Variants in TANC2 observed in about 807,000 individuals in gnomAD.
TANC2 encodes tetratricopeptide repeat, ankyrin repeat and coiled-coil containing 2, also known as protein TANC2.
In TANC2, 26 loss-of-function variants were observed where a neutral mutation model predicts 210.5. The ratio of observed to expected loss-of-function variants is 0.12; its 90% CI spans 0.09 to 0.17. The LOEUF is 0.17. Among genes scored for constraint, TANC2 ranks in the 10% least tolerant of loss-of-function variants. The pLI is 1.00. For synonymous variants in TANC2, 931 were observed against 967.1 expected (o/e 0.96, Z 0.69); for missense variants, 2,129 against 2,608.9 (o/e 0.82, Z 4.01).
chr17:63,184,736 C>G (rs771777649), intron 5 of TANC2, among the ~76,000 whole-genome samples: 5 of 151,772 alleles, frequency 3.3e-5, no homozygotes, highest in Admixed American at 6.6e-5. Context: ...TCACTGCAAC[C>G]TCCGCCTCCC....
At chr17:63,015,751 A>T (rs1314895901) in intron 2 of TANC2, among the ~76,000 whole-genome samples, 1 of 152,102 alleles carries the variant, frequency 6.6e-6, no homozygotes, top group African/African-American at 2.4e-5. Flanking sequence ...CTTAAAAAAA[A>T]ACCGCTGTGT....
intron 11 of TANC2, chr17:63,332,302 T>C: frequency 3.0e-6 from 1 of 333,042 alleles, no homozygotes; most frequent in Non-Finnish European, 5.9e-6. Flanking sequence ...CTTCTCCCCT[T>C]CCCCTGCTAT....
intron 5 of TANC2, among the ~76,000 whole-genome samples, chr17:63,184,975 GT>G (rs796115856): frequency 1.5e-3 from 207 of 141,732 alleles, no homozygotes; most frequent in African/African-American, 4.1e-3. Context: ...CAGTAATACG[GT>G]TTTTTTTTTT....
At chr17:63,246,628 G>A (rs551109523) in intron 8 of TANC2, among the ~76,000 whole-genome samples, 24 of 152,146 alleles carry the variant, frequency 1.6e-4, no homozygotes, top group Middle Eastern at 3.4e-3. Context: ...GGTTTATGAC[G>A]TATATATATC....
At position 63,340,228 on chromosome 17, in the gene TANC2, G is replaced by A. The variant is rs780211899; in HGVS notation, c.1703G>A (p.Arg568Gln). Residue 568 changes from arginine (R) to glutamine (Q), a missense_variant, in exon 12 of 28, where the codon CGG becomes CAG. Arg to Gln is a conservative substitution (Grantham distance 43). Transcript: ENST00000689528. ...ACAGCCTATCGGGAGCAGCTTCTTCGGGAACCTCACCTGCAGAGCATGCTG... is the reference window on the plus strand; with the variant it reads ...ACAGCCTATCGGGAGCAGCTTCTTCAGGAACCTCACCTGCAGAGCATGCTG... The A allele has an allele frequency of 1.2e-5, 19 of 1,613,658 alleles. No individual in the cohort carries two copies. In the East Asian group the frequency reaches 1.3e-4, roughly 11 times the overall value.
At chr17:63,039,016 A>C (rs377535477) in intron 2 of TANC2, among the ~76,000 whole-genome samples, 29 of 152,214 alleles carry the variant, frequency 1.9e-4, no homozygotes, top group African/African-American at 7.0e-4. Flanking sequence ...ATTTATTTAG[A>C]TTCACTTTGC....
In TANC2 at chr17:63,231,591, A is replaced by T. The variant is rs115141602; in HGVS notation, c.770-6223A>T. ...TAAGAATGTTGAATATTGGTCCCGA[A>T]TCTCTTTTGGTTTGTAGGATTTCTG... On this transcript the variant is annotated intron_variant, in intron 7 of 27. Transcript: ENST00000689528. Among the ~76,000 whole-genome samples, 838 of 152,222 alleles carry T rather than the reference A, an allele frequency of 5.5e-3. 7 individuals carry two copies. The highest frequency in any genetic ancestry group is 0.018 in the African/African-American group (747 of 41,518).
chr17:63,411,185 A>G (rs2048692085), intron 21 of TANC2, among the ~76,000 whole-genome samples: 2 of 152,210 alleles, frequency 1.3e-5, no homozygotes, highest in South Asian at 4.1e-4. Context: ...GATTGACGGG[A>G]GATCCGAGAG....
intron 9 of TANC2, among the ~76,000 whole-genome samples, chr17:63,296,137 A>C (rs1452486463): frequency 6.6e-6 from 1 of 152,206 alleles, no homozygotes; most frequent in Non-Finnish European, 1.5e-5. Flanking sequence ...AGCTCTAAGA[A>C]TCAGTCCTTG....
At chr17:63,409,529 G>A (rs189432283) in intron 21 of TANC2, among the ~76,000 whole-genome samples, 87 of 152,330 alleles carry the variant, frequency 5.7e-4, no homozygotes, top group Non-Finnish European at 1.1e-3. Context: ...GGTATATGCA[G>A]TTATGTATCA....
At chr17:63,241,338 T>G (rs145816419) in intron 8 of TANC2, among the ~76,000 whole-genome samples, 1 of 152,356 alleles carries the variant, frequency 6.6e-6, no homozygotes, top group East Asian at 1.9e-4. Flanking sequence ...TGGCAATATA[T>G]ATTTTTCAGT....
At chr17:63,359,742 T>A (rs939799803) in intron 14 of TANC2, among the ~76,000 whole-genome samples, 3 of 152,224 alleles carry the variant, frequency 2.0e-5, no homozygotes, top group Admixed American at 1.3e-4. Flanking sequence ...CTAATGAGAT[T>A]GTGATGTGGG....
chr17:63,414,708 G>A (rs556469208), intron 25 of TANC2, among the ~76,000 whole-genome samples: 1 of 152,306 alleles, frequency 6.6e-6, no homozygotes. Context: ...GTAAAAGACT[G>A]GGATCCCTGT....
intron 12 of TANC2, among the ~76,000 whole-genome samples, chr17:63,348,604 C>T (rs897907392): frequency 6.6e-6 from 1 of 152,074 alleles, no homozygotes; most frequent in South Asian, 2.1e-4. Context: ...AATGTCCCTC[C>T]TACTTTTTTA....
intron 8 of TANC2, among the ~76,000 whole-genome samples, chr17:63,242,715 G>A (rs1407376178): frequency 6.6e-6 from 1 of 152,056 alleles, no homozygotes; most frequent in Non-Finnish European, 1.5e-5. Context: ...ATTTGTAGTA[G>A]CCAGTAACTG....
intron 9 of TANC2, among the ~76,000 whole-genome samples, chr17:63,274,772 C>T (rs1283252451): frequency 2.6e-5 from 4 of 152,082 alleles, no homozygotes; most frequent in African/African-American, 9.7e-5. Context: ...GAGCCAAGAT[C>T]GTGCCACTAC....
At chr17:63,215,891 A>G (rs1424192967) in intron 7 of TANC2, among the ~76,000 whole-genome samples, 1 of 152,068 alleles carries the variant, frequency 6.6e-6, no homozygotes, top group East Asian at 1.9e-4. Context: ...CTGGGACTAC[A>G]GGCGTCCGCC....
chr17:63,349,407 T>C (rs1173948886), intron 12 of TANC2, among the ~76,000 whole-genome samples: 1 of 152,182 alleles, frequency 6.6e-6, no homozygotes, highest in African/African-American at 2.4e-5. Flanking sequence ...ATCAGCTGTT[T>C]TGTCTACTGG....
chr17:63,406,978 A>T (rs1474931011), intron 21 of TANC2, among the ~76,000 whole-genome samples: 1 of 152,234 alleles, frequency 6.6e-6, no homozygotes, highest in Non-Finnish European at 1.5e-5. Flanking sequence ...CAGTCATTCC[A>T]GTTAGCCTCC....
Sources: allele counts gnomAD v4.1 joint callset (sites outside exome capture counted in the v4.1 genomes callset), GRCh38; gene constraint gnomAD v4.1.1; transcripts MANE v1.5; gene names NCBI Gene and HGNC (gene_info 2026-07-23, HGNC 2026-07-21).